PSD3: variants seen among roughly 807,000 people sequenced by gnomAD.
PSD3 encodes the protein PH and SEC7 domain-containing protein 3.
In PSD3, 49 loss-of-function variants were observed where a neutral mutation model predicts 105.5. That is an observed-to-expected ratio of 0.46 (90% confidence interval 0.37 to 0.59). The LOEUF (loss-of-function observed/expected upper bound fraction) is 0.59, where lower values mean the gene tolerates loss of function less well. Ranked by LOEUF, PSD3 falls within the 20% of genes least tolerant of loss-of-function variation. The pLI, the probability that PSD3 is intolerant of heterozygous loss-of-function variation, is 0.00. For synonymous variants in PSD3, 557 were observed against 457.8 expected (o/e 1.22, Z -2.77); for missense variants, 1,561 against 1,263.8 (o/e 1.24, Z -3.57).
In PSD3 at chr8:18,987,391, C is replaced by T. The variant is rs377145038; in HGVS notation, c.21+26172G>A. 5.9e-5 allele frequency among the ~76,000 whole-genome samples: 9 copies of T among 152,162 alleles called. No individual in the cohort carries two copies. The South Asian group carries it at 1.9e-3, about 32-fold the overall frequency. On this transcript the variant is annotated intron_variant, in intron 1 of 15. Transcript: ENST00000327040. Reference sequence around the variant, plus strand: ...CAAGCTCTGCCTTCCAGGCTCACGCCATTCTCCTGCCTCAGCCTCCCAAGT... The same window carrying T: ...CAAGCTCTGCCTTCCAGGCTCACGCTATTCTCCTGCCTCAGCCTCCCAAGT...
intron 12 of PSD3, among the ~76,000 whole-genome samples, chr8:18,592,132 C>T (rs1217651266): frequency 1.3e-5 from 2 of 151,910 alleles, no homozygotes; most frequent in Non-Finnish European, 2.9e-5. Context: ...TGTAAAGATG[C>T]TCAACAAGCT....
intron 1 of PSD3, among the ~76,000 whole-genome samples, chr8:18,981,063 C>T (rs936186507): frequency 4.6e-5 from 7 of 152,144 alleles, no homozygotes; most frequent in Non-Finnish European, 8.8e-5. Context: ...CTCCCCTCCC[C>T]CGTGAGTTTC....
chr8:18,634,208 T>C (rs146749039), intron 10 of PSD3, among the ~76,000 whole-genome samples: 3 of 152,228 alleles, frequency 2.0e-5, no homozygotes, highest in Non-Finnish European at 2.9e-5. Context: ...ATATTTTAAA[T>C]ATATCACAAA....
At chr8:18,983,166 G>A (rs1474121265) in intron 1 of PSD3, among the ~76,000 whole-genome samples, 2 of 152,188 alleles carry the variant, frequency 1.3e-5, no homozygotes, top group Non-Finnish European at 2.9e-5. Context: ...ATGAACCAAT[G>A]TCTGCTAGCT....
intron 4 of PSD3, among the ~76,000 whole-genome samples, chr8:18,822,062 A>T (rs1182744924): frequency 1.3e-5 from 2 of 152,012 alleles, no homozygotes; most frequent in Non-Finnish European, 1.5e-5. Context: ...AAGAAAAAAA[A>T]TTTTCTTTGT....
intron 4 of PSD3, among the ~76,000 whole-genome samples, chr8:18,866,740 AAAGAGAGGTC>A (rs1392168820): frequency 6.6e-6 from 1 of 152,176 alleles, no homozygotes; most frequent in East Asian, 1.9e-4. Flanking sequence ...GACTGCTCAA[AAAGAGAGGTC>A]CATTGAAAAC....
At chr8:18,634,278 G>C (rs896204168) in intron 10 of PSD3, among the ~76,000 whole-genome samples, 5 of 151,726 alleles carry the variant, frequency 3.3e-5, no homozygotes, top group African/African-American at 1.2e-4. Flanking sequence ...TTCTCTTTTG[G>C]TATTTTATCA....
chr8:18,826,623 T>G (rs750957714), intron 4 of PSD3, among the ~76,000 whole-genome samples: 1 of 152,222 alleles, frequency 6.6e-6, no homozygotes, highest in Non-Finnish European at 1.5e-5. Context: ...ACAGCTGATT[T>G]TGGAACATCT....
intron 8 of PSD3, among the ~76,000 whole-genome samples, chr8:18,782,250 T>C (rs997116061): frequency 5.9e-5 from 9 of 152,170 alleles, no homozygotes; most frequent in Admixed American, 5.9e-4. Context: ...TCATGTTTCT[T>C]GTGTCCTTAC....
Position 18,843,905 on chromosome 8 carries a change from A to G in PSD3, c.1634+23769T>C, listed in dbSNP as rs1382723321. Among the ~76,000 whole-genome samples, 3 of 140,354 alleles carry G rather than the reference A, an allele frequency of 2.1e-5. No homozygotes were observed. The Middle Eastern group carries it at 0.01, about 484-fold the overall frequency. The allele number at this position is 140,354 out of a possible 152,430, so 92.1% of individuals were successfully genotyped here. On this transcript the variant is annotated intron_variant, in intron 4 of 15. Transcript: ENST00000327040. ...AGTAGGTCTTCTATAACCACTTTAT[A>G]AGATAGACTATTTTTTTTTTTTTTT...
intron 11 of PSD3, among the ~76,000 whole-genome samples, chr8:18,609,709 T>C (rs1005285046): frequency 4.6e-5 from 7 of 152,362 alleles, no homozygotes; most frequent in East Asian, 3.9e-4. Flanking sequence ...CTTTCTGCAA[T>C]TGATGTGCAA....
At chr8:18,670,240 T>C (rs1423759756) in intron 9 of PSD3, among the ~76,000 whole-genome samples, 1 of 152,004 alleles carries the variant, frequency 6.6e-6, no homozygotes, top group South Asian at 2.1e-4. Flanking sequence ...ACCGGGTGGG[T>C]CTGAGAAACC....
At chr8:18,918,285 G>A (rs532633944) in intron 2 of PSD3, among the ~76,000 whole-genome samples, 24 of 152,168 alleles carry the variant, frequency 1.6e-4, no homozygotes, top group African/African-American at 3.9e-4. Context: ...CCCAGCACCC[G>A]TTCTAAATTA....
intron 9 of PSD3, among the ~76,000 whole-genome samples, chr8:18,659,671 A>T (rs1460120251): frequency 1.3e-5 from 2 of 152,250 alleles, no homozygotes; most frequent in Non-Finnish European, 2.9e-5. Flanking sequence ...GTAATGTTCT[A>T]TTCTTAAAAG....
intron 9 of PSD3, among the ~76,000 whole-genome samples, chr8:18,732,096 C>A (rs879538572): frequency 6.6e-6 from 1 of 151,832 alleles, no homozygotes; most frequent in Non-Finnish European, 1.5e-5. Context: ...AGAAATGTCC[C>A]CCTAGGAGCA....
intron 15 of PSD3, among the ~76,000 whole-genome samples, chr8:18,552,636 T>C (rs1299599453): frequency 6.6e-6 from 1 of 152,204 alleles, no homozygotes; most frequent in Non-Finnish European, 1.5e-5. Flanking sequence ...ATTAAATATT[T>C]TTAAGTAAAA....
At chr8:19,055,564 T>C (rs1031747211) in intron 1 of PSD3, among the ~76,000 whole-genome samples, 1 of 151,468 alleles carries the variant, frequency 6.6e-6, no homozygotes, top group South Asian at 2.1e-4. Flanking sequence ...ATTTGTAGAC[T>C]TTTTTTTCAC....
chr8:18,648,285 G>C (rs541540039), intron 10 of PSD3, among the ~76,000 whole-genome samples: 1 of 152,186 alleles, frequency 6.6e-6, no homozygotes, highest in Non-Finnish European at 1.5e-5. Flanking sequence ...TGCTGATAGT[G>C]ATACGGACAA....
intron 11 of PSD3, among the ~76,000 whole-genome samples, chr8:18,626,386 G>A (rs1337800264): frequency 6.6e-6 from 1 of 151,980 alleles, no homozygotes; most frequent in Non-Finnish European, 1.5e-5. Context: ...TGTAATATTT[G>A]TCATCAGAGC....
Sources: gnomAD v4.1 joint callset for allele counts (sites outside exome capture counted in the v4.1 genomes callset) on GRCh38, gnomAD v4.1.1 for gene constraint, MANE v1.5 for transcripts, NCBI Gene and HGNC (gene_info 2026-07-23, HGNC 2026-07-21) for gene names.